STKLD1: variants seen among roughly 807,000 people sequenced by gnomAD.
The protein encoded by STKLD1 is serine/threonine kinase-like domain-containing protein STKLD1.
STKLD1 carries 79 observed loss-of-function variants against 80.4 expected under a neutral mutation model. That is an observed-to-expected ratio of 0.98 (90% confidence interval 0.82 to 1.19). The LOEUF is 1.19. STKLD1 is among the 50% of genes most tolerant of loss of function. STKLD1 has a pLI of 0.00. For missense variants in STKLD1, 841 were observed against 856.0 expected, an observed-to-expected ratio of 0.98 and a Z score of 0.22; for synonymous variants, 393 against 357.6, an observed-to-expected ratio of 1.10 and a Z score of -1.12.
At chr9:133,381,026 T>A (rs937118029) in intron 2 of STKLD1, among the ~76,000 whole-genome samples, 1 of 152,102 alleles carries the variant, frequency 6.6e-6, no homozygotes, top group Non-Finnish European at 1.5e-5. Flanking sequence ...TATGGCATTA[T>A]GGTTTTGTTT....
rs370990456 is a variant in STKLD1 at position 133,395,749 on chromosome 9, T to C, written c.852T>C (p.Asp284=). Residue 284 remains aspartate, a synonymous_variant, in exon 9 of 18, where the codon GAT becomes GAC. Coordinates refer to ENST00000371957, the MANE Select transcript of STKLD1 (RefSeq NM_153710.5). ...LPLMLQIDPS[D]RITIKDVVHI... is the part of the protein sequence containing the mutation. ...TGATGCTCCAGATCGACCCCTCGGA[T>C]CGAATAACGATAAAGTGAGCTCAGG... 5.0e-5 allele frequency: 80 copies of C among 1,613,306 alleles called. No homozygotes were observed. Among genetic ancestry groups the C allele is most frequent in the Non-Finnish European group, 6.6e-5 (78 of 1,180,004 alleles).
At position 133,405,563 on chromosome 9, in the gene STKLD1, T is replaced by C. The variant is rs908137478; in HGVS notation, c.*142T>C. ...AATCAGACCTCTCCAAAGAGTTTCC[T>C]GTCCATGACTGCTGGATTGAGTCAC... On this transcript the variant is annotated 3_prime_UTR_variant, in exon 18 of 18. Coordinates refer to ENST00000371957, the MANE Select transcript of STKLD1 (RefSeq NM_153710.5). 7 of 776,544 alleles carry C rather than the reference T, an allele frequency of 9.0e-6. No individual in the cohort carries two copies. The Admixed American group carries it at 1.4e-4, about 15-fold the overall frequency. The allele number at this position is 776,544 out of a possible 1,614,324, so 48.1% of individuals were successfully genotyped here. A position where few individuals can be genotyped will look rare whatever the true frequency, so the allele number is the denominator to read the frequency against.
At chr9:133,391,900 G>A (rs1838406293) in intron 7 of STKLD1, among the ~76,000 whole-genome samples, 1 of 151,850 alleles carries the variant, frequency 6.6e-6, no homozygotes, top group Admixed American at 6.6e-5. Context: ...GCCAGGCACT[G>A]GCTGCGTGTA....
At chr9:133,392,115 C>T (rs587684739) in intron 7 of STKLD1, among the ~76,000 whole-genome samples, 8 of 145,392 alleles carry the variant, frequency 5.5e-5, no homozygotes, top group South Asian at 2.2e-4. Context: ...CTCGCTCTGT[C>T]GCCCAGGCTG....
intron 4 of STKLD1, among the ~76,000 whole-genome samples, chr9:133,386,508 C>G (rs2130277731): frequency 6.6e-6 from 1 of 152,366 alleles, no homozygotes; most frequent in South Asian, 2.1e-4. Context: ...GTGCAGCTTA[C>G]TGACCAGCAC....
chr9:133,378,762 G>A (rs1838065177), intron 1 of STKLD1, among the ~76,000 whole-genome samples: 1 of 152,244 alleles, frequency 6.6e-6, no homozygotes, highest in Admixed American at 6.5e-5. Flanking sequence ...TTGCACTTGA[G>A]TGCCCAGCTG....
chr9:133,400,335 C>T (rs1838666985), intron 11 of STKLD1, 78 bp from the exon 12 acceptor site: 3 of 1,064,516 alleles, frequency 2.8e-6, no homozygotes, highest in South Asian at 1.3e-5. Flanking sequence ...TCCTACCAGC[C>T]TCTGGGGGCC....
intron 17 of STKLD1, 129 bp from the exon 18 acceptor site, chr9:133,405,123 C>T (rs1005050218): frequency 1.5e-5 from 20 of 1,330,018 alleles, no homozygotes; most frequent in South Asian, 5.7e-5. Flanking sequence ...CTTGGGGCTC[C>T]GGAACTGCAA....
At chr9:133,402,766 G>A in intron 13 of STKLD1, 112 bp from the exon 14 acceptor site, 2 of 1,252,428 alleles carry the variant, frequency 1.6e-6, no homozygotes, top group South Asian at 1.5e-5. Context: ...TTGGCCCAGA[G>A]CAGGCACCTA....
intron 4 of STKLD1, among the ~76,000 whole-genome samples, chr9:133,386,597 G>A (rs1838270031): frequency 6.6e-6 from 1 of 152,360 alleles, no homozygotes; most frequent in South Asian, 2.1e-4. Context: ...CTAGGGCTCC[G>A]GTTCAGGAGC....
At chr9:133,402,757 T>C in intron 13 of STKLD1, 121 bp from the exon 14 acceptor site, 4 of 1,134,472 alleles carry the variant, frequency 3.5e-6, no homozygotes, top group Non-Finnish European at 4.9e-6. Flanking sequence ...GCACACGACT[T>C]GGCCCAGAGC....
At position 133,397,425 on chromosome 9, in the gene STKLD1, A is replaced by G. The variant is rs951451471; in HGVS notation, c.997+131A>G. ...TGCTCCACATGCACGACCAGTGGGT[A>G]GGAACAGTTTCCCTCCATCCATCCC... On this transcript the variant is annotated intron_variant, in intron 10 of 17. Coordinates refer to ENST00000371957, the MANE Select transcript of STKLD1 (RefSeq NM_153710.5). 6 of 1,231,954 alleles carry G rather than the reference A, an allele frequency of 4.9e-6. No individual in the cohort carries two copies. In the Admixed American group the frequency reaches 1.3e-4, roughly 26 times the overall value. The allele number at this position is 1,231,954 out of a possible 1,614,324, so 76.3% of individuals were successfully genotyped here.
At chr9:133,395,824 C>A in intron 9 of STKLD1, 61 bp downstream of exon 9, 1 of 1,543,292 alleles carries the variant, frequency 6.5e-7, no homozygotes, top group Non-Finnish European at 8.9e-7. Flanking sequence ...TCTCTCCACC[C>A]TAATACAAGC....
chr9:133,378,949 A>AG (rs1299517637), intron 1 of STKLD1, 87 bp from the exon 2 acceptor site: 1 of 1,188,108 alleles, frequency 8.4e-7, no homozygotes, highest in Non-Finnish European at 1.2e-6. Flanking sequence ...GGGAGTTAGC[A>AG]GGGCCAGAAA....
chr9:133,403,595 T>A, intron 14 of STKLD1, 105 bp from the exon 15 acceptor site: 2 of 1,425,444 alleles, frequency 1.4e-6, no homozygotes, highest in Non-Finnish European at 9.5e-7. Flanking sequence ...ACCCCATTTC[T>A]GCTGTTGTCG....
intron 7 of STKLD1, among the ~76,000 whole-genome samples, chr9:133,391,146 C>T (rs2130288259): frequency 6.8e-6 from 1 of 146,306 alleles, no homozygotes; most frequent in East Asian, 2.0e-4. Context: ...TGGGGGGGGT[C>T]AGCCCCCCGC....
At chr9:133,379,659 C>T (rs1838087404) in intron 2 of STKLD1, among the ~76,000 whole-genome samples, 1 of 152,272 alleles carries the variant, frequency 6.6e-6, no homozygotes, top group Non-Finnish European at 1.5e-5. Context: ...CACCACACTC[C>T]TCACCAGGGC....
Position 133,390,978 on chromosome 9 carries a change from G to A in STKLD1, c.583+182G>A, listed in dbSNP as rs1214222264. On this transcript the variant is annotated intron_variant, in intron 7 of 17. Transcript: ENST00000371957. The surrounding 1 kb of genome is among the most constrained non-coding windows in gnomAD (Gnocchi z 5.1). ...TCCTTTGGGTTGCAACTGAGCAGGC[G>A]TGCCACCACCAGGGCAGAGGCAGGG... 6.7e-6 allele frequency among the ~76,000 whole-genome samples: 1 copy of A among 149,364 alleles called. No homozygotes were observed. The highest frequency in any genetic ancestry group is 1.5e-5 in the Non-Finnish European group (1 of 67,456).
chr9:133,390,838 C>T lies in STKLD1; in HGVS notation c.583+42C>T. 1 of 1,546,666 alleles carries T rather than the reference C, an allele frequency of 6.5e-7. No individual in the cohort carries two copies. Among genetic ancestry groups the T allele is most frequent in the Non-Finnish European group, 8.9e-7 (1 of 1,119,674 alleles). ...CAGGTTGTGGGAGAGGGGGTTGGCG[C>T]CTAGAATCCAGGCGGCGTTGGCCAC... On this transcript the variant is annotated intron_variant, in intron 7 of 17. Coordinates refer to ENST00000371957, the MANE Select transcript of STKLD1 (RefSeq NM_153710.5). The surrounding 1 kb of genome is among the most constrained non-coding windows in gnomAD (Gnocchi z 5.1).
Sources: gnomAD v4.1 joint callset for allele counts (sites outside exome capture counted in the v4.1 genomes callset) on GRCh38, gnomAD v4.1.1 for gene constraint, Gnocchi (gnomAD v3.1) non-coding constraint, MANE v1.5 for transcripts, NCBI Gene and HGNC (gene_info 2026-07-23, HGNC 2026-07-21) for gene names.